CBFA2T3: variants seen among roughly 807,000 people sequenced by gnomAD.
CBFA2T3 encodes CBFA2/RUNX1 partner transcriptional co-repressor 3.
A neutral mutation model predicts 58.6 loss-of-function variants in CBFA2T3; 31 were observed. The ratio of observed to expected loss-of-function variants is 0.53; its 90% CI spans 0.40 to 0.71. The LOEUF is 0.71. Ranked by LOEUF, CBFA2T3 falls within the 30% of genes least tolerant of loss-of-function variation. The pLI, the probability that CBFA2T3 is intolerant of heterozygous loss-of-function variation, is 0.00. For synonymous variants in CBFA2T3, 531 were observed against 421.9 expected, an observed-to-expected ratio of 1.26 and a Z score of -3.17; for missense variants, 1,076 against 963.1, an observed-to-expected ratio of 1.12 and a Z score of -1.55.
At chr16:88,889,839 G>A (rs1197281033) in intron 5 of CBFA2T3, among the ~76,000 whole-genome samples, 3 of 142,824 alleles carry the variant, frequency 2.1e-5, no homozygotes, top group Non-Finnish European at 4.5e-5. Context: ...GATGCCCCGC[G>A]ATTCCTCCTC....
intron 1 of CBFA2T3, among the ~76,000 whole-genome samples, chr16:88,943,860 T>G (rs1480019456): frequency 6.6e-6 from 1 of 152,144 alleles, no homozygotes; most frequent in African/African-American, 2.4e-5. Context: ...GAAAGATGTC[T>G]GCAGTCTGTC....
intron 1 of CBFA2T3, among the ~76,000 whole-genome samples, chr16:88,933,039 C>T (rs111521783): frequency 0.032 from 4,862 of 152,302 alleles, 259 homozygotes; most frequent in African/African-American, 0.11. Flanking sequence ...AGGGAGGTGA[C>T]GGCATGGAGC....
At chr16:88,956,258 C>T (rs920117368) in intron 1 of CBFA2T3, among the ~76,000 whole-genome samples, 15 of 152,386 alleles carry the variant, frequency 9.8e-5, no homozygotes, top group Middle Eastern at 3.4e-3. Flanking sequence ...ACGCGTGTGA[C>T]GGAGGGCGAA....
intron 1 of CBFA2T3, among the ~76,000 whole-genome samples, chr16:88,921,677 T>C (rs906047872): frequency 6.6e-6 from 1 of 152,160 alleles, no homozygotes; most frequent in Non-Finnish European, 1.5e-5. Flanking sequence ...GGTAGGAGGA[T>C]AAGAGTCACC....
rs141444197 is a variant in CBFA2T3 at position 88,924,030 on chromosome 16, C to A, written c.152-22374G>T. Among the ~76,000 whole-genome samples the A allele has an allele frequency of 3.4e-3, 524 of 152,222 alleles. 5 individuals are homozygous for A. The highest frequency in any genetic ancestry group is 6.0e-3 in the Non-Finnish European group (406 of 68,008). Reference sequence around the variant, plus strand: ...CCAGCCATGGTTACAGCAAAGACCGCGGGTGGAGGTGGGGGCGTGGTCAGG... The same window carrying A: ...CCAGCCATGGTTACAGCAAAGACCGAGGGTGGAGGTGGGGGCGTGGTCAGG... On this transcript the variant is annotated intron_variant, in intron 1 of 11. Transcript: ENST00000268679.
At position 88,891,979 on chromosome 16, in the gene CBFA2T3, G is replaced by T; in HGVS notation, c.622-8C>A. On this transcript the variant is annotated splice_region_variant and splice_polypyrimidine_tract_variant and intron_variant, in intron 4 of 11. Coordinates refer to ENST00000268679, the MANE Select transcript of CBFA2T3 (RefSeq NM_005187.6). The stretch of plus-strand genomic sequence containing the variant: ...GATCGTCAATGTCGAGTTCTGCAGG[G>T]GAGAAAACCCACCTCACATCAGCAC... The T allele has an allele frequency of 6.2e-7, 1 of 1,609,708 alleles. No individual in the cohort carries two copies.
intron 1 of CBFA2T3, among the ~76,000 whole-genome samples, chr16:88,918,845 TGC>T (rs1400372738): frequency 6.6e-6 from 1 of 152,244 alleles, no homozygotes; most frequent in Non-Finnish European, 1.5e-5. Flanking sequence ...AGGTCGGAGC[TGC>T]AGGCTCGCCG....
At chr16:88,929,234 G>A (rs1971193807) in intron 1 of CBFA2T3, among the ~76,000 whole-genome samples, 1 of 152,094 alleles carries the variant, frequency 6.6e-6, no homozygotes, top group African/African-American at 2.4e-5. Context: ...GGCTGCCGCT[G>A]TGCAAACAAC....
rs867896762 is a variant in CBFA2T3, at chr16:88,925,820, C to T, written c.152-24164G>A. Among the ~76,000 whole-genome samples the T allele has an allele frequency of 1.7e-4, 26 of 152,330 alleles. No homozygotes were observed. In the Middle Eastern group the frequency reaches 0.014, roughly 80 times the overall value. On this transcript the variant is annotated intron_variant, in intron 1 of 11. Transcript: ENST00000268679. ...CCCGGCGACGGGCTTTTCCAGGCTG[C>T]GGCATAGGGAGCCCCGGTACCAAGG... is the stretch of plus-strand genomic sequence containing the variant.
chr16:88,895,846 C>T (rs956766986), intron 3 of CBFA2T3, among the ~76,000 whole-genome samples: 7 of 152,310 alleles, frequency 4.6e-5, no homozygotes, highest in East Asian at 3.9e-4. Context: ...GAGGACCGGC[C>T]GCCAGGCCCA....
chr16:88,877,167 C>G lies in CBFA2T3; in HGVS notation c.1771G>C (p.Val591Leu), dbSNP rs750718085. ...GGGCCCTGCAGGCTCTGGCCACACA[C>G]GTGGTGATGCTTCTCCCAGTCCCGA... The part of the protein sequence containing the change: ...QHRDWEKHHH[V>L]CGQSLQGPTA... The change falls in exon 12 of 12, where the codon GTG becomes CTG. Residue 591 changes from valine to leucine, a missense_variant. By Grantham distance (32) the Val-to-Leu change is conservative. Coordinates refer to ENST00000268679, the MANE Select transcript of CBFA2T3 (RefSeq NM_005187.6). 6.4e-7 allele frequency: 1 copy of G among 1,552,288 alleles called. No homozygotes were observed. The highest frequency in any genetic ancestry group is 1.2e-5 in the South Asian group (1 of 84,184).
chr16:88,929,250 G>A (rs1024984091), intron 1 of CBFA2T3, among the ~76,000 whole-genome samples: 2 of 150,248 alleles, frequency 1.3e-5, no homozygotes, highest in African/African-American at 5.0e-5. Flanking sequence ...ACAACCCAGG[G>A]CGCCCCTGAA....
At chr16:88,927,009 C>G (rs1272158319) in intron 1 of CBFA2T3, among the ~76,000 whole-genome samples, 1 of 152,184 alleles carries the variant, frequency 6.6e-6, no homozygotes. Flanking sequence ...CGTGGTCCTT[C>G]CCTCCTCCCG....
intron 1 of CBFA2T3, 39 bp downstream of exon 1, chr16:88,976,618 T>C (rs1041551596): frequency 1.4e-6 from 2 of 1,476,068 alleles, no homozygotes; most frequent in Admixed American, 4.0e-5. Flanking sequence ...GCTGCCGCTC[T>C]CTGCCCCCAC....
rs148799440 is a variant in CBFA2T3 at position 88,945,646 on chromosome 16, A to G, written c.151+31011T>C. The stretch of plus-strand genomic sequence containing the variant: ...CCACGACACGCCTGTTAGAATAACT[A>G]AAACTCAACACACGGACAACCCCAG... On this transcript the variant is annotated intron_variant, in intron 1 of 11. Transcript: ENST00000268679. Among the ~76,000 whole-genome samples, 281 of 152,338 alleles carry G rather than the reference A, an allele frequency of 1.8e-3. 2 individuals are homozygous for G. Among genetic ancestry groups the G allele is most frequent in the African/African-American group, 6.1e-3 (252 of 41,562 alleles).
intron 1 of CBFA2T3, among the ~76,000 whole-genome samples, chr16:88,919,136 C>T (rs1380259723): frequency 1.3e-5 from 2 of 152,200 alleles, no homozygotes; most frequent in Non-Finnish European, 2.9e-5. Flanking sequence ...TTTTACCTTT[C>T]TCAGCATTCC....
intron 1 of CBFA2T3, among the ~76,000 whole-genome samples, chr16:88,923,202 G>A (rs1239901381): frequency 6.6e-6 from 1 of 152,210 alleles, no homozygotes; most frequent in African/African-American, 2.4e-5. Flanking sequence ...TGAAGTCAGC[G>A]TCCACTGGTG....
At chr16:88,930,309 G>C (rs563759860) in intron 1 of CBFA2T3, among the ~76,000 whole-genome samples, 39 of 145,752 alleles carry the variant, frequency 2.7e-4, no homozygotes, top group Non-Finnish European at 4.4e-4. Context: ...CAGCTGCATG[G>C]TCCACGCAAA....
At chr16:88,941,032 CG>C in intron 1 of CBFA2T3, 2 of 984,638 alleles carry the variant, frequency 2.0e-6, no homozygotes, top group Non-Finnish European at 2.4e-6. Context: ...TCGGGGGGTC[CG>C]GGGGATCCGG....
Sources: allele counts gnomAD v4.1 joint callset (sites outside exome capture counted in the v4.1 genomes callset), GRCh38; gene constraint gnomAD v4.1.1; transcripts MANE v1.5; gene names NCBI Gene and HGNC (gene_info 2026-07-23, HGNC 2026-07-21).